Variants in FAM117B observed in about 807,000 individuals in gnomAD.
FAM117B encodes protein FAM117B.
FAM117B carries 22 observed loss-of-function variants against 52.8 expected under a neutral mutation model. The observed-to-expected ratio is 0.42, with a 90% confidence interval of 0.30 to 0.59. FAM117B has a LOEUF of 0.59. Ranked by LOEUF, FAM117B falls within the 20% of genes least tolerant of loss-of-function variation. The probability of loss-of-function intolerance (pLI) is 0.22; values close to 1 mark genes in which losing one functional copy is unlikely to be tolerated. For synonymous variants in FAM117B, 309 were observed against 324.1 expected (o/e 0.95, Z 0.50); for missense variants, 678 against 802.6 (o/e 0.84, Z 1.88).
At chr2:202,700,320 A>G (rs1391820356) in intron 2 of FAM117B, among the ~76,000 whole-genome samples, 1 of 152,242 alleles carries the variant, frequency 6.6e-6, no homozygotes, top group Admixed American at 6.5e-5. Flanking sequence ...TTTGAAGGAA[A>G]TTAAAAATAC....
intron 1 of FAM117B, among the ~76,000 whole-genome samples, chr2:202,691,412 C>G (rs1248169155): frequency 6.6e-6 from 1 of 151,924 alleles, no homozygotes; most frequent in Non-Finnish European, 1.5e-5. Flanking sequence ...GAGCGAGATT[C>G]TTTCCCCCCA....
At chr2:202,647,204 GCTA>G (rs1202835352) in intron 1 of FAM117B, among the ~76,000 whole-genome samples, 1 of 151,872 alleles carries the variant, frequency 6.6e-6, no homozygotes, top group Non-Finnish European at 1.5e-5. Flanking sequence ...TATAGTAAAA[GCTA>G]CTAAAACCAT....
chr2:202,635,486 A>G lies in FAM117B; in HGVS notation c.299A>G (p.Asn100Ser). Reference protein sequence around the residue: ...RSTSPTRGGGNAAARTSPTVA... With the variant: ...RSTSPTRGGGSAAARTSPTVA... ...ACCAGCCCCACGCGCGGCGGCGGGA[A>G]CGCGGCCGCGCGCACCAGCCCCACG... The change falls in exon 1 of 8, where the codon AAC becomes AGC. Residue 100 changes from asparagine to serine, a missense_variant. Asn to Ser is a conservative substitution (Grantham distance 46, BLOSUM62 1). This residue lies in a region of FAM117B where 583 missense variants were observed against 644.8 expected (regional missense o/e 0.90). Coordinates refer to ENST00000392238, the MANE Select transcript of FAM117B (RefSeq NM_173511.4). 2 of 1,033,414 alleles carry G rather than the reference A, an allele frequency of 1.9e-6. No homozygotes were observed. The highest frequency in any genetic ancestry group is 2.3e-6 in the Non-Finnish European group (2 of 864,824). 64.0% of individuals were successfully genotyped at this position (1,033,414 alleles called of 1,614,324 possible).
intron 4 of FAM117B, among the ~76,000 whole-genome samples, chr2:202,727,497 G>C (rs1011784185): frequency 8.6e-5 from 13 of 151,760 alleles, no homozygotes; most frequent in African/African-American, 2.9e-4. Flanking sequence ...AAATAGAATA[G>C]AATATGTATA....
chr2:202,635,717 G>C lies in FAM117B; in HGVS notation c.530G>C (p.Arg177Pro), dbSNP rs1435320200. 8 of 1,438,534 alleles carry C rather than the reference G, an allele frequency of 5.6e-6. No homozygotes were observed. In the South Asian group the frequency reaches 9.4e-5, roughly 17 times the overall value. The allele number at this position is 1,438,534 out of a possible 1,614,324, so 89.1% of individuals were successfully genotyped here. ...AAPPPARVRHRRRSPEQSRSS... is the reference protein window; with the variant it reads ...AAPPPARVRHPRRSPEQSRSS... Reference sequence around the variant, plus strand: ...CCACCCCCAGCCCGCGTCCGGCATCGGAGGAGGTCTCCGGAGCAGAGCCGA... The same window carrying C: ...CCACCCCCAGCCCGCGTCCGGCATCCGAGGAGGTCTCCGGAGCAGAGCCGA... The change falls in exon 1 of 8, where the codon CGG becomes CCG. Residue 177 changes from arginine to proline, a missense_variant. Physicochemically the swap from Arg to Pro is moderately radical, Grantham distance 103. Around this residue, in one of 3 missense-constraint regions of FAM117B, gnomAD observed 583 missense variants for 644.8 expected, o/e 0.90. Transcript: ENST00000392238.
At chr2:202,705,231 G>A (rs1411498157) in intron 2 of FAM117B, among the ~76,000 whole-genome samples, 1 of 152,002 alleles carries the variant, frequency 6.6e-6, no homozygotes, top group Non-Finnish European at 1.5e-5. Context: ...GTTTGTACCT[G>A]GGAGGTGGAG....
intron 1 of FAM117B, among the ~76,000 whole-genome samples, chr2:202,688,133 AT>A (rs1690572126): frequency 6.6e-6 from 1 of 152,048 alleles, no homozygotes; most frequent in South Asian, 2.1e-4. Flanking sequence ...CTGTTCTTCA[AT>A]TTTTGGACAT....
chr2:202,721,114 C>T (rs954112633), intron 2 of FAM117B, among the ~76,000 whole-genome samples: 1 of 152,126 alleles, frequency 6.6e-6, no homozygotes, highest in African/African-American at 2.4e-5. Flanking sequence ...TTCCTCCCCT[C>T]TTCCATGAGG....
chr2:202,706,261 T>G (rs1690867312), intron 2 of FAM117B, among the ~76,000 whole-genome samples: 1 of 152,220 alleles, frequency 6.6e-6, no homozygotes. Context: ...AAGTCTTACA[T>G]TATTTTTTCT....
rs1691816796 is a variant in FAM117B, at chr2:202,757,266, T to C, written c.1158T>C (p.Ser386=). The change falls in exon 6 of 8, where the codon AGT becomes AGC. Residue 386 remains serine (S), a synonymous_variant. Transcript: ENST00000392238. ...HRAPPPLVQR[S]SSTRSIDTQT... Reference sequence around the variant, plus strand: ...CTCCACCCCCCCTTGTACAGAGAAGTAGCAGCACGCGCAGCATTGACACAC... The same window carrying C: ...CTCCACCCCCCCTTGTACAGAGAAGCAGCAGCACGCGCAGCATTGACACAC... 2.5e-6 allele frequency: 4 copies of C among 1,613,972 alleles called. No individual in the cohort carries two copies. The highest frequency in any genetic ancestry group is 2.5e-6 in the Non-Finnish European group (3 of 1,180,026).
intron 4 of FAM117B, among the ~76,000 whole-genome samples, chr2:202,750,836 G>A (rs905833157): frequency 1.3e-5 from 2 of 152,130 alleles, no homozygotes; most frequent in African/African-American, 4.8e-5. Context: ...ATATAAATCT[G>A]TGTGTGTGTC....
intron 4 of FAM117B, among the ~76,000 whole-genome samples, chr2:202,755,029 A>G (rs1320607031): frequency 6.6e-6 from 1 of 151,886 alleles, no homozygotes; most frequent in Non-Finnish European, 1.5e-5. Context: ...GGAAAGACAC[A>G]GGTCACATGG....
chr2:202,760,330 C>A (rs1392973823), intron 7 of FAM117B, among the ~76,000 whole-genome samples: 1 of 152,196 alleles, frequency 6.6e-6, no homozygotes, highest in Non-Finnish European at 1.5e-5. Context: ...CCAAAGGTCT[C>A]AGCAGCGTGG....
chr2:202,755,548 C>A lies in FAM117B; in HGVS notation c.971C>A (p.Pro324Gln). 6.2e-7 allele frequency: 1 copy of A among 1,613,916 alleles called. No individual in the cohort carries two copies. The highest frequency in any genetic ancestry group is 8.5e-7 in the Non-Finnish European group (1 of 1,179,922). The change falls in exon 5 of 8, where the codon CCA (proline) becomes CAA (glutamine). Residue 324 changes from proline to glutamine, a missense_variant. Pro to Gln is a moderately conservative substitution (Grantham distance 76). Coordinates refer to ENST00000392238, the MANE Select transcript of FAM117B (RefSeq NM_173511.4). ...AAINQCQAPV[P>Q]KSALIPVIPI... ...TCCCATTTTCTTAAGGCTCCTGTTC[C>A]AAAGAGTGCACTTATTCCTGTAATT... is the stretch of plus-strand genomic sequence containing the variant.
intron 1 of FAM117B, among the ~76,000 whole-genome samples, chr2:202,647,021 C>G (rs1213014431): frequency 6.6e-6 from 1 of 152,044 alleles, no homozygotes; most frequent in African/African-American, 2.4e-5. Flanking sequence ...GCTTACCTTT[C>G]TTGAAATTAA....
At position 202,666,614 on chromosome 2, in the gene FAM117B, C is replaced by T. The variant is rs184096504; in HGVS notation, c.602-29267C>T. ...TGTTACAGACAACTTTCACTTTCTACTGTATTCACTTCTGGTTTTTGACTA... is the reference window on the plus strand; with the variant it reads ...TGTTACAGACAACTTTCACTTTCTATTGTATTCACTTCTGGTTTTTGACTA... On this transcript the variant is annotated intron_variant, in intron 1 of 7. Coordinates refer to ENST00000392238, the MANE Select transcript of FAM117B (RefSeq NM_173511.4). Among the ~76,000 whole-genome samples the T allele has an allele frequency of 1.8e-4, 27 of 150,616 alleles. No homozygotes were observed. The East Asian group carries it at 5.1e-3, about 28-fold the overall frequency.
intron 1 of FAM117B, among the ~76,000 whole-genome samples, chr2:202,686,612 A>G (rs1690540825): frequency 6.6e-6 from 1 of 152,130 alleles, no homozygotes; most frequent in Non-Finnish European, 1.5e-5. Context: ...GTTTGAGACC[A>G]TTCTAGCCAA....
Position 202,695,960 on chromosome 2 carries a change from G to C in FAM117B, c.681G>C (p.Pro227=). 6.2e-7 allele frequency: 1 copy of C among 1,613,994 alleles called. No homozygotes were observed. The highest frequency in any genetic ancestry group is 8.5e-7 in the Non-Finnish European group (1 of 1,179,978). The stretch of plus-strand genomic sequence containing the variant: ...CCTCCCTGGATACTCTTGCTGCACC[G>C]TATCTTGCTGGACACTGGCCTCGGG... ...RTSSLDTLAA[P]YLAGHWPRDS... is the part of the protein sequence containing the mutation. The change falls in exon 2 of 8, where the codon CCG becomes CCC. Residue 227 remains proline (P), a synonymous_variant. Transcript: ENST00000392238.
At chr2:202,638,026 G>T (rs889280391) in intron 1 of FAM117B, among the ~76,000 whole-genome samples, 1 of 152,038 alleles carries the variant, frequency 6.6e-6, no homozygotes, top group Non-Finnish European at 1.5e-5. Context: ...ACAGGCATGC[G>T]CTACCACGCC....
Sources: allele counts gnomAD v4.1 joint callset (sites outside exome capture counted in the v4.1 genomes callset), GRCh38; gene constraint gnomAD v4.1.1; regional missense constraint gnomAD v4.1.1; transcripts MANE v1.5; gene names NCBI Gene and HGNC (gene_info 2026-07-23, HGNC 2026-07-21).